The following CILK1 variants were observed in gnomAD, a reference collection of about 807,000 sequenced individuals.
The protein encoded by CILK1 is ciliogenesis associated kinase 1, also known as serine/threonine-protein kinase ICK.
In CILK1, 47 loss-of-function variants were observed where a neutral mutation model predicts 79.2. The observed-to-expected ratio is 0.59, with a 90% CI of 0.47 to 0.76. The LOEUF is 0.76. CILK1 is among the 30% of genes least tolerant of loss of function. The pLI is 0.00. For missense variants in CILK1, 660 were observed against 769.5 expected, an observed-to-expected ratio of 0.86 and a Z score of 1.68; for synonymous variants, 266 against 275.9, an observed-to-expected ratio of 0.96 and a Z score of 0.36.
chr6:53,041,039 C>A, intron 2 of CILK1, 97 bp downstream of exon 2: 2 of 830,806 alleles, frequency 2.4e-6, no homozygotes. Context: ...AGGTTCTTCT[C>A]TAGGCATCCT....
rs1267494283 is a variant in CILK1, at chr6:53,018,453, G to C, written c.540C>G (p.Pro180=). ...VLLRSTNYSS[P]IDVWAVGCIM... ...TGCAGCCCACCGCCCAGACGTCAAT[G>C]GGGGAGCTGTAGTTGGTAGACCTCA... Residue 180 remains proline, a synonymous_variant, in exon 7 of 14, where the codon CCC becomes CCG. Transcript: ENST00000676107. 19 of 1,614,088 alleles carry C rather than the reference G, an allele frequency of 1.2e-5. No individual in the cohort carries two copies. The highest frequency in any genetic ancestry group is 3.3e-5 in the South Asian group (3 of 91,084).
At chr6:53,039,488 G>A (rs1414010108) in intron 2 of CILK1, among the ~76,000 whole-genome samples, 1 of 152,198 alleles carries the variant, frequency 6.6e-6, no homozygotes, top group Non-Finnish European at 1.5e-5. Context: ...CAAGGAGCAG[G>A]AGACTGAGAA....
chr6:53,003,601 T>C lies in CILK1; in HGVS notation c.*1548A>G, dbSNP rs1169564784. 2.6e-5 allele frequency: 4 copies of C among 151,838 alleles called. No individual in the cohort carries two copies. The highest frequency in any genetic ancestry group is 7.3e-5 in the African/African-American group (3 of 41,270). The allele number at this position is 151,838 out of a possible 1,614,324, so 9.4% of individuals were successfully genotyped here. A position where few individuals can be genotyped will look rare whatever the true frequency, so the allele number is the denominator to read the frequency against. ...AAAAATACAAAAAATTAGCTGGGCG[T>C]GGTGGCGGGCGCCTGTAGTCCCAGT... On this transcript the variant is annotated 3_prime_UTR_variant, in exon 14 of 14. Coordinates refer to ENST00000676107, the MANE Select transcript of CILK1 (RefSeq NM_014920.5).
intron 1 of CILK1, among the ~76,000 whole-genome samples, chr6:53,046,713 A>C (rs1767100001): frequency 6.6e-6 from 1 of 152,236 alleles, no homozygotes; most frequent in African/African-American, 2.4e-5. Flanking sequence ...AACTTTAATA[A>C]GATGCTAAGC....
At chr6:53,010,757 T>TA (rs1764525305) in intron 11 of CILK1, among the ~76,000 whole-genome samples, 1 of 152,182 alleles carries the variant, frequency 6.6e-6, no homozygotes, top group African/African-American at 2.4e-5. Context: ...AGAGAGGCCT[T>TA]ACCTGACCAT....
chr6:53,038,052 C>T (rs1304231425), intron 2 of CILK1, 59 bp from the exon 3 acceptor site: 24 of 1,217,174 alleles, frequency 2.0e-5, no homozygotes, highest in South Asian at 7.4e-5. Flanking sequence ...TTAAACTTTG[C>T]TTTTAGAAAA....
At chr6:53,061,466 A>G (rs578109115) in intron 1 of CILK1, 130 bp downstream of exon 1, 2 of 152,438 alleles carry the variant, frequency 1.3e-5, no homozygotes, top group Admixed American at 6.5e-5. Flanking sequence ...ACTATAACCC[A>G]TTAGCCTCTT....
intron 2 of CILK1, among the ~76,000 whole-genome samples, chr6:53,040,323 A>G (rs947195846): frequency 8.5e-5 from 13 of 152,246 alleles, no homozygotes; most frequent in Non-Finnish European, 1.9e-4. Flanking sequence ...CTTCCATCTC[A>G]GTACAAGTCT....
In CILK1 at chr6:53,005,043, T is replaced by C. The variant is rs1187250991; in HGVS notation, c.*106A>G. 4.0e-6 allele frequency: 5 copies of C among 1,260,730 alleles called. No individual in the cohort carries two copies. Among genetic ancestry groups the C allele is most frequent in the South Asian group, 1.2e-5 (1 of 83,522 alleles). The allele number at this position is 1,260,730 out of a possible 1,614,324, so 78.1% of individuals were successfully genotyped here. ...GTTCAGAAGAATAACTATAAAGTGT[T>C]GATTTGCTTTTATGCCCTCTGCACA... On this transcript the variant is annotated 3_prime_UTR_variant, in exon 14 of 14. Coordinates refer to ENST00000676107, the MANE Select transcript of CILK1 (RefSeq NM_014920.5).
chr6:53,052,492 G>T (rs1481745734), intron 1 of CILK1, among the ~76,000 whole-genome samples: 2 of 152,072 alleles, frequency 1.3e-5, no homozygotes, highest in Non-Finnish European at 2.9e-5. Context: ...CAACACTTTG[G>T]GAGGCCAAGG....
At chr6:53,046,596 T>C (rs1767092937) in intron 1 of CILK1, among the ~76,000 whole-genome samples, 1 of 152,216 alleles carries the variant, frequency 6.6e-6, no homozygotes, top group Non-Finnish European at 1.5e-5. Flanking sequence ...ACCATGGCAG[T>C]TACTTTCTAA....
intron 3 of CILK1, among the ~76,000 whole-genome samples, chr6:53,035,125 G>C (rs1303338226): frequency 6.6e-6 from 1 of 152,154 alleles, no homozygotes. Flanking sequence ...AAGTAGAGTT[G>C]CAGAGGGAGA....
At chr6:53,056,999 T>C (rs1262886954) in intron 1 of CILK1, among the ~76,000 whole-genome samples, 2 of 152,242 alleles carry the variant, frequency 1.3e-5, no homozygotes, top group Non-Finnish European at 2.9e-5. Context: ...ATGTATATCT[T>C]ACATTTTTCT....
intron 1 of CILK1, among the ~76,000 whole-genome samples, chr6:53,054,237 C>T (rs931130679): frequency 3.9e-5 from 6 of 152,104 alleles, no homozygotes; most frequent in Non-Finnish European, 7.4e-5. Flanking sequence ...GAGAATGGTC[C>T]TCTCCCTTGA....
Position 53,005,219 on chromosome 6 carries a change from G to T in CILK1, c.1829C>A (p.Pro610Gln). 2 of 1,614,168 alleles carry T rather than the reference G, an allele frequency of 1.2e-6. No individual in the cohort carries two copies. Among genetic ancestry groups the T allele is most frequent in the Non-Finnish European group, 1.7e-6 (2 of 1,180,024 alleles). The part of the protein sequence containing the change: ...TQPRSTPGLI[P>Q]RPPAAQPVHG... ...CACTGGCTGGGCGGCTGGAGGCCGT[G>T]GTATCAACCCAGGAGTGCTTCTAGG... is the stretch of plus-strand genomic sequence containing the variant. The change falls in exon 14 of 14, where the codon CCA becomes CAA. Residue 610 changes from proline (P) to glutamine (Q), a missense_variant. Coordinates refer to ENST00000676107, the MANE Select transcript of CILK1 (RefSeq NM_014920.5).
Position 53,011,774 on chromosome 6 carries a change from A to G in CILK1, c.1487T>C (p.Leu496Ser). ...KQHYLKHSRY[L>S]PGISIRNGIL... ...AGCCAAGTCATTTATATTACCAGGC[A>G]AGTATCGAGAGTGCTTCAAATAGTG... Residue 496 changes from leucine to serine, a missense_variant, in exon 11 of 14, where the codon TTG becomes TCG. Coordinates refer to ENST00000676107, the MANE Select transcript of CILK1 (RefSeq NM_014920.5). 2.5e-6 allele frequency: 4 copies of G among 1,613,974 alleles called. No homozygotes were observed. Among genetic ancestry groups the G allele is most frequent in the Non-Finnish European group, 3.4e-6 (4 of 1,179,836 alleles).
intron 1 of CILK1, among the ~76,000 whole-genome samples, chr6:53,060,203 GT>G (rs1274601381): frequency 1.3e-5 from 2 of 152,198 alleles, no homozygotes; most frequent in East Asian, 3.8e-4. Flanking sequence ...TAAATGGCTT[GT>G]TTGATATCCT....
chr6:53,016,379 A>AGTAGTGAATGTGGGTGG, intron 7 of CILK1, 129 bp from the exon 8 acceptor site: 1 of 806,390 alleles, frequency 1.2e-6, no homozygotes, highest in Non-Finnish European at 2.1e-6. Flanking sequence ...AACCACCCAC[A>AGTAGTGAATGTGGGTGG]TTCACTACTG....
At chr6:53,013,463 G>A (rs1388344494) in intron 9 of CILK1, among the ~76,000 whole-genome samples, 199 bp downstream of exon 9, 1 of 152,154 alleles carries the variant, frequency 6.6e-6, no homozygotes, top group African/African-American at 2.4e-5. Context: ...TAGTGACAAC[G>A]GTTTTAACAG....
Sources: allele counts gnomAD v4.1 joint callset (sites outside exome capture counted in the v4.1 genomes callset), GRCh38; gene constraint gnomAD v4.1.1; transcripts MANE v1.5; gene names NCBI Gene and HGNC (gene_info 2026-07-23, HGNC 2026-07-21).